The following GPR161 variants were observed in gnomAD, a reference collection of about 807,000 sequenced individuals.
The protein encoded by GPR161 is G-protein coupled receptor RE2.
A neutral mutation model predicts 39.2 loss-of-function variants in GPR161; 25 were observed. That is an observed-to-expected ratio of 0.64 (90% CI 0.47 to 0.89). The LOEUF (loss-of-function observed/expected upper bound fraction) is 0.89. Among genes scored for constraint, GPR161 ranks in the 40% least tolerant of loss-of-function variants. The pLI, the probability that GPR161 is intolerant of heterozygous loss-of-function variation, is 0.00. For missense variants in GPR161, 547 were observed against 677.8 expected (o/e 0.81, Z 2.14); for synonymous variants, 286 against 276.6 (o/e 1.03, Z -0.34).
chr1:168,119,654 T>G (rs1697997287), intron 1 of GPR161, among the ~76,000 whole-genome samples: 1 of 152,160 alleles, frequency 6.6e-6, no homozygotes, highest in South Asian at 2.1e-4. Flanking sequence ...GATGGTAATA[T>G]TTCTTGGCTC....
Position 168,087,939 on chromosome 1 carries a change from A to G in GPR161, c.1205-235T>C. ...GCCACACAAAAAATGCAGCCAAGTT[A>G]TCTGAAGTAGGGGGTTATCTGCCTC... On this transcript the variant is annotated intron_variant, in intron 4 of 5. Transcript: ENST00000682931. 1.8e-5 allele frequency: 8 copies of G among 448,346 alleles called. No homozygotes were observed. The South Asian group carries it at 2.4e-4, about 13-fold the overall frequency. The allele number at this position is 448,346 out of a possible 1,614,324, so 27.8% of individuals were successfully genotyped here.
intron 1 of GPR161, among the ~76,000 whole-genome samples, chr1:168,121,565 G>T (rs565625395): frequency 6.6e-6 from 1 of 152,254 alleles, no homozygotes; most frequent in African/African-American, 2.4e-5. Flanking sequence ...CAACTAGCAG[G>T]ACTCATGATG....
At chr1:168,122,783 C>A (rs1479523117) in intron 1 of GPR161, among the ~76,000 whole-genome samples, 1 of 152,140 alleles carries the variant, frequency 6.6e-6, no homozygotes, top group Non-Finnish European at 1.5e-5. Context: ...ACACTTCATA[C>A]CCCCTCCAAC....
chr1:168,133,224 C>T (rs1699133251), intron 1 of GPR161, among the ~76,000 whole-genome samples: 1 of 152,202 alleles, frequency 6.6e-6, no homozygotes, highest in African/African-American at 2.4e-5. Flanking sequence ...TACTTATTCT[C>T]AAACAAATAA....
At chr1:168,110,777 G>A (rs6427120) in intron 1 of GPR161, among the ~76,000 whole-genome samples, 54,249 of 151,484 alleles carry the variant, frequency 0.36, 9,913 homozygotes, top group Admixed American at 0.48. Context: ...TACAAAAATT[G>A]TCTGGGTGTG....
At position 168,110,593 on chromosome 1, in the gene GPR161, A is replaced by AAAAGAAAAGAAAAG. The variant is rs144639460; in HGVS notation, c.-44-5700_-44-5699insCTTTTCTTTTCTTT. 6.3e-4 allele frequency among the ~76,000 whole-genome samples: 50 copies of AAAAGAAAAGAAAAG among 78,856 alleles called. 4 individuals are homozygous for AAAAGAAAAGAAAAG. The highest frequency in any genetic ancestry group is 1.1e-3 in the East Asian group (4 of 3,662). The allele number at this position is 78,856 out of a possible 152,430, so 51.7% of individuals were successfully genotyped here. On this transcript the variant is annotated intron_variant, in intron 1 of 5. Coordinates refer to ENST00000682931, the MANE Select transcript of GPR161 (RefSeq NM_001375883.1). ...AAAAGAAAAGAAAAGAAAAGAAAAGAAAAGAGACAATAAAACCAATACAAG... is the reference window on the plus strand; with the variant it reads ...AAAAGAAAAGAAAAGAAAAGAAAAGAAAAGAAAAGAAAAGAAAGAGACAATAAAACCAATACAAG...
At chr1:168,096,354 G>A (rs1011757589) in intron 3 of GPR161, among the ~76,000 whole-genome samples, 154 bp downstream of exon 3, 2 of 152,082 alleles carry the variant, frequency 1.3e-5, no homozygotes, top group South Asian at 2.1e-4. Flanking sequence ...CAATCACAGC[G>A]GAGCCTCTGG....
chr1:168,099,961 G>A (rs373510353), intron 2 of GPR161, among the ~76,000 whole-genome samples: 3 of 151,906 alleles, frequency 2.0e-5, no homozygotes, highest in Admixed American at 6.6e-5. Flanking sequence ...AGCACTTTGG[G>A]AGTCCAAGAT....
chr1:168,102,977 T>C (rs1696252770), intron 2 of GPR161, among the ~76,000 whole-genome samples: 2 of 152,182 alleles, frequency 1.3e-5, no homozygotes, highest in Non-Finnish European at 2.9e-5. Flanking sequence ...TACAAATTTG[T>C]ACAACTTTCT....
intron 1 of GPR161, among the ~76,000 whole-genome samples, chr1:168,132,008 T>A (rs1699026874): frequency 6.6e-6 from 1 of 152,236 alleles, no homozygotes; most frequent in African/African-American, 2.4e-5. Flanking sequence ...CTCAAGCCTG[T>A]AATTCCAGCA....
chr1:168,094,969 A>G (rs572077791), intron 3 of GPR161, among the ~76,000 whole-genome samples: 1 of 152,370 alleles, frequency 6.6e-6, no homozygotes, highest in Admixed American at 6.5e-5. Context: ...CAGCAGCTTT[A>G]CTGTGGAGAA....
intron 3 of GPR161, among the ~76,000 whole-genome samples, 158 bp from the exon 4 acceptor site, chr1:168,090,826 G>C (rs1694992280): frequency 6.6e-6 from 1 of 152,226 alleles, no homozygotes. Flanking sequence ...GCTCCCTCCT[G>C]GCTCGCCCCT....
At chr1:168,122,539 T>C (rs1232436691) in intron 1 of GPR161, among the ~76,000 whole-genome samples, 1 of 152,192 alleles carries the variant, frequency 6.6e-6, no homozygotes, top group Non-Finnish European at 1.5e-5. Context: ...AGCCCAAAGT[T>C]GTTACCTCGA....
intron 1 of GPR161, among the ~76,000 whole-genome samples, chr1:168,107,541 C>T (rs1379088238): frequency 6.6e-6 from 1 of 152,198 alleles, no homozygotes; most frequent in African/African-American, 2.4e-5. Context: ...TCCCCACCAA[C>T]AAGAAGGCCC....
chr1:168,099,323 T>G (rs886732134), intron 2 of GPR161, among the ~76,000 whole-genome samples: 1 of 151,914 alleles, frequency 6.6e-6, no homozygotes, highest in African/African-American at 2.4e-5. Context: ...TAGGAAGGTT[T>G]CCTTCACTTT....
intron 1 of GPR161, among the ~76,000 whole-genome samples, chr1:168,120,373 C>T (rs1698066615): frequency 6.6e-6 from 1 of 152,210 alleles, no homozygotes. Flanking sequence ...AACATTTACC[C>T]AATGCCTGTA....
chr1:168,124,803 C>T (rs1234543577), intron 1 of GPR161, among the ~76,000 whole-genome samples: 3 of 152,144 alleles, frequency 2.0e-5, no homozygotes, highest in Non-Finnish European at 4.4e-5. Context: ...TAAGTTCTTG[C>T]TCTATGAGCT....
In GPR161 at chr1:168,084,880, G is replaced by GGGT; in HGVS notation, c.*648_*650dup. On this transcript the variant is annotated 3_prime_UTR_variant, in exon 6 of 6. Coordinates refer to ENST00000682931, the MANE Select transcript of GPR161 (RefSeq NM_001375883.1). Reference sequence around the variant, plus strand: ...GAACTTGTCAGTAGGGAAGTAGGCAGGGTGGGCCAGTCTGCAAGAGGCCTG... The same window carrying GGGT: ...GAACTTGTCAGTAGGGAAGTAGGCAGGGTGGTGGGCCAGTCTGCAAGAGGCCTG... 2.2e-6 allele frequency: 1 copy of GGGT among 456,284 alleles called. No individual in the cohort carries two copies. The highest frequency in any genetic ancestry group is 1.5e-5 in the South Asian group (1 of 64,568). The allele number at this position is 456,284 out of a possible 1,614,324, so 28.3% of individuals were successfully genotyped here. A position where few individuals can be genotyped will look rare whatever the true frequency, so the allele number is the denominator to read the frequency against.
rs1693996094 is a variant in GPR161, at chr1:168,080,593, G to A, written c.*4938C>T. 6.6e-6 allele frequency: 1 copy of A among 152,214 alleles called. No individual in the cohort carries two copies. The highest frequency in any genetic ancestry group is 2.4e-5 in the African/African-American group (1 of 41,424). 9.4% of individuals were successfully genotyped at this position (152,214 alleles called of 1,614,324 possible). A position where few individuals can be genotyped will look rare whatever the true frequency, so the allele number is the denominator to read the frequency against. ...GTAGCATCCCTGCCCTGCCTCTTAG[G>A]GGCTTGGAGGATTAGGGATTCTGTG... On this transcript the variant is annotated 3_prime_UTR_variant, in exon 6 of 6. Transcript: ENST00000682931.
Sources: gnomAD v4.1 joint callset for allele counts (sites outside exome capture counted in the v4.1 genomes callset) on GRCh38, gnomAD v4.1.1 for gene constraint, MANE v1.5 for transcripts, NCBI Gene and HGNC (gene_info 2026-07-23, HGNC 2026-07-21) for gene names.